Variants in CFAP36 observed in about 807,000 individuals in gnomAD.
CFAP36 encodes the protein cilia- and flagella-associated protein 36.
CFAP36 carries 37 observed loss-of-function variants against 50.5 expected under a neutral mutation model. The observed-to-expected ratio is 0.73, with a 90% CI of 0.56 to 0.96. The LOEUF (loss-of-function observed/expected upper bound fraction) is 0.96, where lower values mean the gene tolerates loss of function less well. Among genes scored for constraint, CFAP36 ranks in the 50% least tolerant of loss-of-function variants. The pLI is 0.00. For missense variants in CFAP36, 407 were observed against 396.2 expected (o/e 1.03, Z -0.23); for synonymous variants, 138 against 128.2 (o/e 1.08, Z -0.52).
chr2:55,522,398 G>T (rs1284027703), intron 2 of CFAP36, among the ~76,000 whole-genome samples: 1 of 152,152 alleles, frequency 6.6e-6, no homozygotes, highest in East Asian at 1.9e-4. Context: ...ATGGGTTCTT[G>T]CATGTATTCT....
At chr2:55,543,874 T>A in intron 7 of CFAP36, 64 bp from the exon 8 acceptor site, 1 of 1,471,174 alleles carries the variant, frequency 6.8e-7, no homozygotes, top group Non-Finnish European at 9.4e-7. Flanking sequence ...TCGGTAAACC[T>A]AGCCTAACAC....
intron 7 of CFAP36, among the ~76,000 whole-genome samples, chr2:55,542,555 G>C (rs1238326194): frequency 6.6e-6 from 1 of 152,140 alleles, no homozygotes; most frequent in Non-Finnish European, 1.5e-5. Flanking sequence ...CTGGCTTTCT[G>C]ATCTTCCCTT....
intron 1 of CFAP36, among the ~76,000 whole-genome samples, chr2:55,520,815 C>A (rs1297872823): frequency 6.6e-6 from 1 of 152,150 alleles, no homozygotes; most frequent in East Asian, 1.9e-4. Context: ...GAGCTAGGGT[C>A]AGTTGGTACA....
intron 1 of CFAP36, among the ~76,000 whole-genome samples, chr2:55,521,235 G>T (rs574174742): frequency 1.4e-5 from 2 of 141,856 alleles, no homozygotes; most frequent in African/African-American, 5.3e-5. Context: ...ACAGAGTGTC[G>T]CTCTGTTGCC....
intron 6 of CFAP36, chr2:55,535,965 T>G: frequency 9.3e-7 from 1 of 1,069,642 alleles, no homozygotes; most frequent in Admixed American, 4.0e-5. Context: ...TATAGTACTA[T>G]ATATACTTAA....
At position 55,528,981 on chromosome 2, in the gene CFAP36, A is replaced by C; in HGVS notation, c.386A>C (p.Gln129Pro). The change falls in exon 4 of 10, where the codon CAA becomes CCA. Residue 129 changes from glutamine (Q) to proline (P), a missense_variant. Transcript: ENST00000349456. ...CAGCTGCAAGCCATTCGAATAATTC[A>C]AGAGAGAAATGGTAAAATGTTGAAG... ...EMQLQAIRIIQERNGVLPDCL... is the reference protein window; with the variant it reads ...EMQLQAIRIIPERNGVLPDCL... 1 of 1,603,748 alleles carries C rather than the reference A, an allele frequency of 6.2e-7. No homozygotes were observed. The highest frequency in any genetic ancestry group is 1.3e-5 in the African/African-American group (1 of 74,718).
intron 4 of CFAP36, 101 bp from the exon 5 acceptor site, chr2:55,533,771 GA>G: frequency 1.9e-6 from 1 of 514,090 alleles, no homozygotes; most frequent in South Asian, 4.2e-5. Flanking sequence ...ATGTTACAGT[GA>G]TAGATCTGAA....
chr2:55,543,887 AAAAT>A (rs759887331), intron 7 of CFAP36, 47 bp from the exon 8 acceptor site: 2 of 1,532,436 alleles, frequency 1.3e-6, no homozygotes, highest in Non-Finnish European at 1.8e-6. Context: ...CCTAACACTT[AAAAT>A]ATTTCTCATA....
chr2:55,520,468 G>T, intron 1 of CFAP36: 1 of 1,548,602 alleles, frequency 6.5e-7, no homozygotes. Context: ...TTGGTGGCCT[G>T]TGTTCCCCTT....
chr2:55,520,044 C>T (rs1284177584), intron 1 of CFAP36, 128 bp downstream of exon 1: 2 of 799,094 alleles, frequency 2.5e-6, no homozygotes, highest in East Asian at 2.7e-5. Context: ...CGCAAGGTCT[C>T]GTTCCCCTCA....
chr2:55,534,842 T>A (rs777078713), intron 5 of CFAP36, among the ~76,000 whole-genome samples: 13 of 152,168 alleles, frequency 8.5e-5, no homozygotes, highest in Non-Finnish European at 1.6e-4. Context: ...ATGGGCCTGA[T>A]GGGAAACTAT....
rs866269951 is a variant in CFAP36, at chr2:55,537,516, C to A, written c.571C>A (p.His191Asn). Residue 191 changes from histidine (H) to asparagine (N), a missense_variant, in exon 7 of 10, where the codon CAT becomes AAT. Transcript: ENST00000349456. ...SEAKTEEPTV[H>N]SSEAAIMNNS... ...GGCTAAAACAGAAGAGCCCACAGTG[C>A]ATTCCAGTGAAGCTGCAATAATGAA... The A allele has an allele frequency of 6.2e-7, 1 of 1,613,364 alleles. No homozygotes were observed.
At chr2:55,538,770 C>T (rs760878085) in intron 7 of CFAP36, 10 of 1,536,572 alleles carry the variant, frequency 6.5e-6, no homozygotes, top group Non-Finnish European at 7.9e-6. Flanking sequence ...TAAAGAAATT[C>T]AAGGAAGCTG....
intron 4 of CFAP36, among the ~76,000 whole-genome samples, chr2:55,530,639 C>A (rs1179108361): frequency 1.3e-5 from 2 of 152,188 alleles, no homozygotes; most frequent in Non-Finnish European, 2.9e-5. Flanking sequence ...CATTTAACAT[C>A]CTGACTCAAA....
chr2:55,520,472 TC>T, intron 1 of CFAP36: 2 of 1,548,168 alleles, frequency 1.3e-6, no homozygotes, highest in South Asian at 1.2e-5. Context: ...TGGCCTGTGT[TC>T]CCCTTGGTGA....
chr2:55,538,497 T>A (rs1258612489), intron 7 of CFAP36, among the ~76,000 whole-genome samples: 1 of 152,104 alleles, frequency 6.6e-6, no homozygotes, highest in African/African-American at 2.4e-5. Context: ...TTTCTACATG[T>A]TGGTCAGGCT....
intron 7 of CFAP36, among the ~76,000 whole-genome samples, chr2:55,542,291 G>T (rs1196170863): frequency 6.6e-6 from 1 of 152,168 alleles, no homozygotes; most frequent in East Asian, 1.9e-4. Context: ...ATAAATGGTA[G>T]ATCTCAAAAG....
intron 1 of CFAP36, among the ~76,000 whole-genome samples, chr2:55,521,595 ATGTGTG>A (rs60921606): frequency 3.4e-5 from 5 of 146,218 alleles, no homozygotes; most frequent in African/African-American, 1.0e-4. Flanking sequence ...AATAGTATAT[ATGTGTG>A]TGTGTGTGTG....
At chr2:55,529,410 A>C (rs1382253546) in intron 4 of CFAP36, among the ~76,000 whole-genome samples, 2 of 151,192 alleles carry the variant, frequency 1.3e-5, no homozygotes, top group Non-Finnish European at 1.5e-5. Context: ...TGACAGAGTG[A>C]GACCCTGTCT....
Sources: gnomAD v4.1 joint callset for allele counts (sites outside exome capture counted in the v4.1 genomes callset) on GRCh38, gnomAD v4.1.1 for gene constraint, MANE v1.5 for transcripts, NCBI Gene and HGNC (gene_info 2026-07-23, HGNC 2026-07-21) for gene names.